The following IL34 variants were observed in gnomAD, a reference collection of about 807,000 sequenced individuals.
IL34 encodes the protein interleukin 34, also known as interleukin-34.
In IL34, 17 loss-of-function variants were observed where a neutral mutation model predicts 25.3. The observed-to-expected ratio is 0.67, with a 90% CI of 0.46 to 1.01. The LOEUF (loss-of-function observed/expected upper bound fraction) is 1.01. IL34 is among the 50% of genes least tolerant of loss of function. The pLI is 0.00. For synonymous variants in IL34, 174 were observed against 140.9 expected (o/e 1.23, Z -1.66); for missense variants, 368 against 312.9 (o/e 1.18, Z -1.33).
chr16:70,648,575 A>AAAT (rs1555505902), intron 1 of IL34, among the ~76,000 whole-genome samples: 2 of 142,996 alleles, frequency 1.4e-5, no homozygotes, highest in African/African-American at 5.1e-5. Context: ...AAAAAAAAAA[A>AAAT]GGAGAAAAGA....
chr16:70,592,059 C>T (rs940016931), intron 1 of IL34, among the ~76,000 whole-genome samples: 6 of 143,536 alleles, frequency 4.2e-5, no homozygotes, highest in Admixed American at 1.4e-4. Context: ...ATGGGGGCGG[C>T]GGGGAGGTGG....
chr16:70,619,909 A>G (rs553309729), intron 1 of IL34, among the ~76,000 whole-genome samples: 6 of 152,342 alleles, frequency 3.9e-5, no homozygotes, highest in African/African-American at 1.4e-4. Flanking sequence ...CCCAGTGGCC[A>G]GATTTCCAGC....
At chr16:70,592,317 G>A (rs950646272) in intron 1 of IL34, among the ~76,000 whole-genome samples, 6 of 152,014 alleles carry the variant, frequency 3.9e-5, no homozygotes, top group African/African-American at 9.7e-5. Context: ...ACTCGCCCTC[G>A]TTCTTCTCCC....
intron 1 of IL34, among the ~76,000 whole-genome samples, chr16:70,616,171 G>A (rs2051169953): frequency 2.0e-5 from 3 of 152,142 alleles, no homozygotes; most frequent in Non-Finnish European, 2.9e-5. Flanking sequence ...CATACACGTG[G>A]CCTGTTGCAG....
intron 1 of IL34, among the ~76,000 whole-genome samples, chr16:70,599,296 C>CTTTA (rs2050875120): frequency 7.8e-6 from 1 of 127,456 alleles, no homozygotes; most frequent in African/African-American, 3.2e-5. Flanking sequence ...TTTCTTTCTT[C>CTTTA]TTTCTTTCCT....
At chr16:70,654,446 A>C in intron 1 of IL34, 92 bp from the exon 2 acceptor site, 2 of 1,481,366 alleles carry the variant, frequency 1.4e-6, no homozygotes, top group Non-Finnish European at 9.1e-7. Context: ...CTCCTATGCA[A>C]ATGGATGATG....
At chr16:70,591,859 G>A (rs2050759117) in intron 1 of IL34, among the ~76,000 whole-genome samples, 1 of 152,236 alleles carries the variant, frequency 6.6e-6, no homozygotes, top group Non-Finnish European at 1.5e-5. Context: ...CTGAGGCTCG[G>A]TGCTGGGGCT....
chr16:70,619,268 A>C (rs934816298), intron 1 of IL34, among the ~76,000 whole-genome samples: 1 of 152,128 alleles, frequency 6.6e-6, no homozygotes, highest in Non-Finnish European at 1.5e-5. Context: ...TAAGGGGTGC[A>C]TGATCGGTCG....
rs1490840236 is a variant in IL34 at position 70,606,025 on chromosome 16, A to G, written c.-401+25976A>G. Among the ~76,000 whole-genome samples, 6 of 147,540 alleles carry G rather than the reference A, an allele frequency of 4.1e-5. No individual in the cohort carries two copies. The Admixed American group carries it at 4.1e-4, about 10-fold the overall frequency. On this transcript the variant is annotated intron_variant, in intron 1 of 6. Coordinates refer to the IL34 transcript ENST00000429149. ...CTGAATAAAAGGAGTGATGGCAGAC[A>G]TCACTATCTTGTCCTGTTTTAGAGG... is the stretch of plus-strand genomic sequence containing the variant.
At chr16:70,646,536 T>G (rs973655832), upstream of IL34, 2 of 206,846 alleles carry the variant, frequency 9.7e-6, no homozygotes, top group East Asian at 1.2e-4. Context: ...CTCTCCTCCT[T>G]TCTCTTCCTA....
At chr16:70,595,486 A>T (rs1597737405) in intron 1 of IL34, among the ~76,000 whole-genome samples, 1 of 151,200 alleles carries the variant, frequency 6.6e-6, no homozygotes, top group African/African-American at 2.4e-5. Flanking sequence ...TGCCCTGCTA[A>T]TTTTTATTTT....
In IL34 at chr16:70,657,020, G is replaced by A; in HGVS notation, c.301G>A (p.Ala101Thr). ...TCTGTGGGTCTTGGTGAGCCTCAGT[G>A]CCACTGAGTCGGTGCAGGACGTGCT... Reference protein sequence around the residue: ...RYLWVLVSLSATESVQDVLLE... With the variant: ...RYLWVLVSLSTTESVQDVLLE... The change falls in exon 4 of 6, where the codon GCC becomes ACC. Residue 101 changes from alanine to threonine, a missense_variant. By Grantham distance (58) the Ala-to-Thr change is moderately conservative. Coordinates refer to ENST00000288098, the MANE Select transcript of IL34 (RefSeq NM_001393494.1). The A allele has an allele frequency of 6.2e-7, 1 of 1,612,518 alleles. No homozygotes were observed. The highest frequency in any genetic ancestry group is 8.5e-7 in the Non-Finnish European group (1 of 1,179,972).
rs563936388 is a variant in IL34, at chr16:70,657,237, C to T, written c.402+116C>T. 8 of 1,094,526 alleles carry T rather than the reference C, an allele frequency of 7.3e-6. No individual in the cohort carries two copies. The African/African-American group carries it at 9.5e-5, about 13-fold the overall frequency. The allele number at this position is 1,094,526 out of a possible 1,614,324, so 67.8% of individuals were successfully genotyped here. On this transcript the variant is annotated intron_variant, in intron 4 of 5. Coordinates refer to ENST00000288098, the MANE Select transcript of IL34 (RefSeq NM_001393494.1). ...AAGGGTGAATACACGGAAAGATGGGCACAAGCAGAGGGACGTGGGAGAAGT... is the reference window on the plus strand; with the variant it reads ...AAGGGTGAATACACGGAAAGATGGGTACAAGCAGAGGGACGTGGGAGAAGT...
chr16:70,590,883 C>T (rs1329192640), intron 1 of IL34, among the ~76,000 whole-genome samples: 19 of 152,172 alleles, frequency 1.2e-4, no homozygotes, highest in African/African-American at 2.4e-5. Flanking sequence ...CAGGGGTGCC[C>T]TGCCACCCCC....
intron 4 of IL34, chr16:70,657,449 TA>T (rs1417712514): frequency 1.1e-5 from 3 of 263,518 alleles, no homozygotes; most frequent in African/African-American, 4.4e-5. Context: ...GGAGGTGGGG[TA>T]GGGGGAGAGG....
At chr16:70,617,095 T>C (rs1333938981) in intron 1 of IL34, among the ~76,000 whole-genome samples, 9 of 151,970 alleles carry the variant, frequency 5.9e-5, no homozygotes, top group Admixed American at 5.9e-4. Flanking sequence ...GAAGATTTTG[T>C]GGTAAGGGGT....
chr16:70,589,496 T>C (rs2050728767), intron 1 of IL34, among the ~76,000 whole-genome samples: 1 of 152,138 alleles, frequency 6.6e-6, no homozygotes, highest in Non-Finnish European at 1.5e-5. Flanking sequence ...CAGTATTTGG[T>C]TTTCTGCTCT....
At chr16:70,624,884 T>C (rs925528378) in intron 1 of IL34, among the ~76,000 whole-genome samples, 8 of 151,724 alleles carry the variant, frequency 5.3e-5, no homozygotes, top group East Asian at 3.9e-4. Context: ...AAAGACTCAG[T>C]GACGCTTGGG....
chr16:70,630,452 G>T (rs1035479129), intron 1 of IL34, among the ~76,000 whole-genome samples: 1 of 151,394 alleles, frequency 6.6e-6, no homozygotes, highest in Non-Finnish European at 1.5e-5. Context: ...GGCTGGTCTC[G>T]AATTCCTGAC....
Sources: gnomAD v4.1 joint callset for allele counts (sites outside exome capture counted in the v4.1 genomes callset) on GRCh38, gnomAD v4.1.1 for gene constraint, MANE v1.5 for transcripts, NCBI Gene and HGNC (gene_info 2026-07-23, HGNC 2026-07-21) for gene names.